Variants in ANAPC4 observed in about 807,000 individuals in gnomAD.
ANAPC4 encodes the protein anaphase-promoting complex subunit 4.
In ANAPC4, 63 loss-of-function variants were observed where a neutral mutation model predicts 119.8. The observed-to-expected ratio is 0.53, with a 90% CI of 0.43 to 0.65. The LOEUF is 0.65. ANAPC4 is among the 30% of genes least tolerant of loss of function. The pLI is 0.00. For missense variants in ANAPC4, 716 were observed against 945.1 expected (o/e 0.76, Z 3.18); for synonymous variants, 283 against 318.6 (o/e 0.89, Z 1.19).
At chr4:25,396,110 T>C (rs1722634738) in intron 14 of ANAPC4, among the ~76,000 whole-genome samples, 1 of 152,204 alleles carries the variant, frequency 6.6e-6, no homozygotes. Flanking sequence ...AGCTCATTCA[T>C]TCCTTCAGAA....
intron 26 of ANAPC4, 82 bp downstream of exon 26, chr4:25,415,622 C>A: frequency 8.0e-7 from 1 of 1,249,910 alleles, no homozygotes; most frequent in Non-Finnish European, 1.1e-6. Flanking sequence ...GACTCAGTTA[C>A]GGTGGTAATA....
intron 22 of ANAPC4, chr4:25,413,950 T>C (rs1031446893): frequency 5.9e-6 from 3 of 511,362 alleles, no homozygotes; most frequent in Admixed American, 3.7e-5. Flanking sequence ...TGTGTGTGTG[T>C]GTATAAAGAT....
rs1300640493 is a variant in ANAPC4 at position 25,405,615 on chromosome 4, A to AT, written c.1314dup (p.Lys439Ter). ...GAAGACCATGTGCTTCCCGAGCTGA[A>AT]TAAGGTAGTATGTACTAGTGCATTT... On this transcript the variant is annotated frameshift_variant, in exon 18 of 29. Coordinates refer to ENST00000315368, the MANE Select transcript of ANAPC4 (RefSeq NM_013367.3). LOFTEE classifies it high-confidence loss of function. The surrounding 1 kb of genome is among the most constrained non-coding windows in gnomAD (Gnocchi z 4.6). 1 of 1,613,598 alleles carries AT rather than the reference A, an allele frequency of 6.2e-7. No individual in the cohort carries two copies. The highest frequency in any genetic ancestry group is 8.5e-7 in the Non-Finnish European group (1 of 1,179,626).
intron 16 of ANAPC4, among the ~76,000 whole-genome samples, chr4:25,400,249 A>C (rs1722891954): frequency 6.6e-6 from 1 of 152,094 alleles, no homozygotes; most frequent in Non-Finnish European, 1.5e-5. Context: ...TAGAAGGTAA[A>C]AAATTGAGAT....
rs138776736 is a variant in ANAPC4 at position 25,408,789 on chromosome 4, G to A, written c.1432-909G>A. 5.9e-3 allele frequency among the ~76,000 whole-genome samples: 902 copies of A among 151,988 alleles called. 9 individuals carry two copies. Among genetic ancestry groups the A allele is most frequent in the Non-Finnish European group, 9.0e-3 (615 of 67,960 alleles). On this transcript the variant is annotated intron_variant, in intron 20 of 28. Transcript: ENST00000315368. ...GCGGGGATTACAGGCATGAACCACC[G>A]TGCCCAGCCTATTTTTGCTTTTAAC...
rs368929028 is a variant in ANAPC4, at chr4:25,403,006, T to A, written c.1250T>A (p.Phe417Tyr). ...IDSSMKNFKA[F>Y]FRWLYVAMLR... is the part of the protein sequence containing the mutation. The stretch of plus-strand genomic sequence containing the variant: ...AGTAGTATGAAAAACTTCAAAGCAT[T>A]TTTTCGGTGGCTTTATGTGGGTAAG... The change falls in exon 17 of 29, where the codon TTT becomes TAT. Residue 417 changes from phenylalanine to tyrosine, a missense_variant. By Grantham distance (22) the Phe-to-Tyr change is conservative. This residue lies in a region of ANAPC4 where 504 missense variants were observed against 615.8 expected (regional missense o/e 0.82). Transcript: ENST00000315368. 5.0e-6 allele frequency: 8 copies of A among 1,603,726 alleles called. No individual in the cohort carries two copies. The highest frequency in any genetic ancestry group is 1.3e-5 in the African/African-American group (1 of 74,586).
intron 4 of ANAPC4, 37 bp from the exon 5 acceptor site, chr4:25,388,463 T>C: frequency 7.4e-7 from 1 of 1,354,070 alleles, no homozygotes; most frequent in Non-Finnish European, 1.0e-6. Flanking sequence ...GTAAAATCTT[T>C]GGTGTTTTTA....
intron 20 of ANAPC4, 136 bp from the exon 21 acceptor site, chr4:25,409,562 G>A: frequency 1.7e-6 from 1 of 603,344 alleles, no homozygotes; most frequent in East Asian, 2.8e-5. Flanking sequence ...TTAAAAAAGT[G>A]TTAAAAATAA....
In ANAPC4 at chr4:25,379,404, T is replaced by C. The variant is rs145801382; in HGVS notation, c.130-970T>C. 3.3e-5 allele frequency among the ~76,000 whole-genome samples: 5 copies of C among 152,240 alleles called. No homozygotes were observed. In the East Asian group the frequency reaches 9.7e-4, roughly 29 times the overall value. ...TTAAGACGGATAGCGAGTGGTATGG[T>C]CTGATTGCATGTGATTCAAAGTTAG... On this transcript the variant is annotated intron_variant, in intron 2 of 28. Coordinates refer to ENST00000315368, the MANE Select transcript of ANAPC4 (RefSeq NM_013367.3).
At position 25,414,378 on chromosome 4, in the gene ANAPC4, A is replaced by T; in HGVS notation, c.1678A>T (p.Thr560Ser). 1 of 1,604,636 alleles carries T rather than the reference A, an allele frequency of 6.2e-7. No individual in the cohort carries two copies. The highest frequency in any genetic ancestry group is 1.1e-5 in the South Asian group (1 of 89,716). Residue 560 changes from threonine (T) to serine (S), a missense_variant, in exon 23 of 29, where the codon ACC (threonine) becomes TCC (serine). Thr to Ser is a moderately conservative substitution (Grantham distance 58). Around this residue, in one of 3 missense-constraint regions of ANAPC4, gnomAD observed 504 missense variants for 615.8 expected, o/e 0.82. Transcript: ENST00000315368. Reference protein sequence around the residue: ...QAICIPLYRDTRSEDSTRRLF... With the variant: ...QAICIPLYRDSRSEDSTRRLF... ...AATCTGTATTCCATTGTATAGAGATACCAGAAGGTAATTCTGTTTACCTAT... is the reference window on the plus strand; with the variant it reads ...AATCTGTATTCCATTGTATAGAGATTCCAGAAGGTAATTCTGTTTACCTAT...
chr4:25,405,598 T>C lies in ANAPC4; in HGVS notation c.1296T>C (p.His432=). 2 of 1,613,686 alleles carry C rather than the reference T, an allele frequency of 1.2e-6. No homozygotes were observed. The highest frequency in any genetic ancestry group is 1.7e-6 in the Non-Finnish European group (2 of 1,179,704). The change falls in exon 18 of 29, where the codon CAT becomes CAC. Residue 432 remains histidine, a synonymous_variant. Coordinates refer to ENST00000315368, the MANE Select transcript of ANAPC4 (RefSeq NM_013367.3). The surrounding 1 kb of genome is among the most constrained non-coding windows in gnomAD (Gnocchi z 4.6). ...CAATGTTGAGAATGACAGAAGACCA[T>C]GTGCTTCCCGAGCTGAATAAGGTAG... The part of the protein sequence containing the change: ...YVAMLRMTED[H]VLPELNKMTQ...
At position 25,405,654 on chromosome 4, in the gene ANAPC4, A is replaced by C; in HGVS notation, c.1317+35A>C. On this transcript the variant is annotated intron_variant, in intron 18 of 28. Transcript: ENST00000315368. The surrounding 1 kb of genome is among the most constrained non-coding windows in gnomAD (Gnocchi z 4.6). ...ACTAGTGCATTTTCACAGTGTTCAC[A>C]TTGTCCTGCTTGAACTCAGCTGTGC... is the stretch of plus-strand genomic sequence containing the variant. The C allele has an allele frequency of 6.2e-6, 10 of 1,606,354 alleles. No homozygotes were observed. Among genetic ancestry groups the C allele is most frequent in the Non-Finnish European group, 8.5e-6 (10 of 1,173,460 alleles).
At chr4:25,403,500 G>T (rs1481000268) in intron 17 of ANAPC4, among the ~76,000 whole-genome samples, 1 of 151,878 alleles carries the variant, frequency 6.6e-6, no homozygotes, top group Admixed American at 6.6e-5. Flanking sequence ...AAAAATTTTT[G>T]TAAGTATCAG....
intron 2 of ANAPC4, 61 bp downstream of exon 2, chr4:25,377,617 C>T: frequency 6.7e-7 from 1 of 1,495,016 alleles, no homozygotes; most frequent in Admixed American, 2.0e-5. Context: ...CCAAGAACAC[C>T]GAGCCCGAGC....
intron 20 of ANAPC4, among the ~76,000 whole-genome samples, chr4:25,408,535 AAATT>A (rs1363315040): frequency 6.0e-5 from 9 of 150,284 alleles, no homozygotes; most frequent in South Asian, 2.1e-4. Context: ...AAAAAAAAAA[AAATT>A]TTTTTTTTTT....
Position 25,394,329 on chromosome 4 carries a change from C to T in ANAPC4, c.896C>T (p.Ser299Leu). The T allele has an allele frequency of 6.3e-7, 1 of 1,585,636 alleles. No individual in the cohort carries two copies. The highest frequency in any genetic ancestry group is 8.5e-7 in the Non-Finnish European group (1 of 1,172,898). ...KFVQEKNTTT[S>L]VQDEFMHLLL... ...TTCCAGGAAAAGAACACAACCACATCAGTGCAAGATGAGTTCATGCACTTG... is the reference window on the plus strand; with the variant it reads ...TTCCAGGAAAAGAACACAACCACATTAGTGCAAGATGAGTTCATGCACTTG... Residue 299 changes from serine (S) to leucine (L), a missense_variant, in exon 12 of 29, where the codon TCA becomes TTA. Around this residue, in one of 3 missense-constraint regions of ANAPC4, gnomAD observed 504 missense variants for 615.8 expected, o/e 0.82. Transcript: ENST00000315368.
Position 25,377,316 on chromosome 4 carries a change from T to G in ANAPC4, c.-39T>G. ...GGGAGGGGAGAGGCCACTGGGGCCGTGTTAGTCTGCCGGTGGGGACTCTTG... is the reference window on the plus strand; with the variant it reads ...GGGAGGGGAGAGGCCACTGGGGCCGGGTTAGTCTGCCGGTGGGGACTCTTG... On this transcript the variant is annotated 5_prime_UTR_variant, in exon 1 of 29. Coordinates refer to ENST00000315368, the MANE Select transcript of ANAPC4 (RefSeq NM_013367.3). 1.4e-6 allele frequency: 2 copies of G among 1,439,128 alleles called. No individual in the cohort carries two copies. Among genetic ancestry groups the G allele is most frequent in the East Asian group, 2.4e-5 (1 of 41,686 alleles). The allele number at this position is 1,439,128 out of a possible 1,614,324, so 89.1% of individuals were successfully genotyped here. A position where few individuals can be genotyped will look rare whatever the true frequency, so the allele number is the denominator to read the frequency against.
intron 4 of ANAPC4, among the ~76,000 whole-genome samples, chr4:25,385,994 C>CA (rs1328399965): frequency 2.6e-5 from 4 of 151,758 alleles, no homozygotes; most frequent in African/African-American, 9.7e-5. Flanking sequence ...GCAGTGGCGC[C>CA]ATCTTGGCTC....
At chr4:25,411,058 T>A (rs1723533903) in intron 21 of ANAPC4, among the ~76,000 whole-genome samples, 1 of 152,184 alleles carries the variant, frequency 6.6e-6, no homozygotes, top group Non-Finnish European at 1.5e-5. Context: ...TGCCAAGAAC[T>A]TTGCATATAG....
Sources: gnomAD v4.1 joint callset for allele counts (sites outside exome capture counted in the v4.1 genomes callset) on GRCh38, gnomAD v4.1.1 for gene constraint, gnomAD v4.1.1 regional missense constraint, Gnocchi (gnomAD v3.1) non-coding constraint, MANE v1.5 for transcripts, NCBI Gene and HGNC (gene_info 2026-07-23, HGNC 2026-07-21) for gene names.